LIN52: variants seen among roughly 807,000 people sequenced by gnomAD.
LIN52 encodes the protein protein lin-52 homolog.
Under a neutral mutation model 18.5 loss-of-function variants are expected in LIN52, and 4 were observed. The observed-to-expected ratio is 0.22, with a 90% CI of 0.11 to 0.49. The LOEUF is 0.49. Ranked by LOEUF, LIN52 falls within the 20% of genes least tolerant of loss-of-function variation. The pLI is 0.97. For missense variants in LIN52, 102 were observed against 139.5 expected (o/e 0.73, Z 1.35); for synonymous variants, 34 against 45.5 (o/e 0.75, Z 1.02).
chr14:74,130,277 G>GTTTTTTTTTTTTTTTTTTTTTTTTT (rs371965343), intron 5 of LIN52, among the ~76,000 whole-genome samples: 1 of 46,426 alleles, frequency 2.2e-5, no homozygotes, highest in Non-Finnish European at 3.5e-5. Flanking sequence ...GGCATTTTTT[G>GTTTTTTTTTTTTTTTTTTTTTTTTT]GTTTTTTTTT....
intron 5 of LIN52, among the ~76,000 whole-genome samples, chr14:74,166,137 C>A (rs1009201592): frequency 3.3e-5 from 5 of 151,990 alleles, no homozygotes; most frequent in African/African-American, 9.7e-5. Context: ...GTGATCTGCC[C>A]ACCTCAGCCT....
chr14:74,186,086 C>T (rs1194502029), intron 5 of LIN52, among the ~76,000 whole-genome samples: 13 of 152,064 alleles, frequency 8.5e-5, no homozygotes, highest in Admixed American at 1.3e-4. Context: ...ATCAGGAGTT[C>T]GAGACCATCC....
intron 5 of LIN52, among the ~76,000 whole-genome samples, chr14:74,196,526 G>T (rs968270398): frequency 6.6e-6 from 1 of 152,102 alleles, no homozygotes. Flanking sequence ...CATGTTGCAG[G>T]ATCATTAGTT....
At chr14:74,088,012 A>G (rs1294496539) in intron 1 of LIN52, among the ~76,000 whole-genome samples, 1 of 152,108 alleles carries the variant, frequency 6.6e-6, no homozygotes, top group Non-Finnish European at 1.5e-5. Context: ...TCAAAGGCTC[A>G]AGCGATTCTC....
chr14:74,110,414 C>T (rs1229367789), intron 5 of LIN52, among the ~76,000 whole-genome samples: 3 of 152,164 alleles, frequency 2.0e-5, no homozygotes, highest in Admixed American at 6.5e-5. Context: ...TGTGGTGGCT[C>T]ACGCTTGTAA....
intron 5 of LIN52, among the ~76,000 whole-genome samples, chr14:74,121,887 T>TAA (rs1169695431): frequency 1.3e-5 from 2 of 152,024 alleles, no homozygotes; most frequent in Admixed American, 1.3e-4. Context: ...CACGCGTGGC[T>TAA]AATTTTTGGA....
chr14:74,195,004 A>G (rs569368224), intron 5 of LIN52, among the ~76,000 whole-genome samples: 6 of 152,262 alleles, frequency 3.9e-5, no homozygotes, highest in African/African-American at 1.4e-4. Flanking sequence ...GAATTAGCCA[A>G]GTGTGGTGGT....
chr14:74,188,574 A>C (rs2061350177), intron 5 of LIN52, among the ~76,000 whole-genome samples: 1 of 150,248 alleles, frequency 6.7e-6, no homozygotes. Flanking sequence ...CCCCACACTC[A>C]TTTTGTATAA....
At chr14:74,091,132 C>G in intron 1 of LIN52, 100 bp from the exon 2 acceptor site, 1 of 752,382 alleles carries the variant, frequency 1.3e-6, no homozygotes. Flanking sequence ...TATCTCTAGA[C>G]TTCCAGGTGA....
rs117825070 is a variant in LIN52 at position 74,137,871 on chromosome 14, A to T, written c.283+36633A>T. Among the ~76,000 whole-genome samples, 193 of 152,106 alleles carry T rather than the reference A, an allele frequency of 1.3e-3. 1 individual carries two copies. The East Asian group carries it at 0.033, about 26-fold the overall frequency. On this transcript the variant is annotated intron_variant, in intron 5 of 5. Transcript: ENST00000555028. ...ACATATATTTACTCAAATGACTATC[A>T]TTTTCTTCTAGAATATTGAGTTTTG...
intron 5 of LIN52, among the ~76,000 whole-genome samples, chr14:74,164,512 C>T (rs140906390): frequency 1.3e-5 from 2 of 150,822 alleles, no homozygotes; most frequent in African/African-American, 4.9e-5. Flanking sequence ...TCTCGAACTC[C>T]TGACTTCAAG....
At chr14:74,181,495 A>C (rs1198675038) in intron 5 of LIN52, among the ~76,000 whole-genome samples, 1 of 151,722 alleles carries the variant, frequency 6.6e-6, no homozygotes, top group African/African-American at 2.4e-5. Context: ...AATTAACCAG[A>C]TTTTCCCCCG....
intron 5 of LIN52, among the ~76,000 whole-genome samples, chr14:74,102,481 CT>C (rs2060864997): frequency 6.6e-6 from 1 of 152,196 alleles, no homozygotes; most frequent in African/African-American, 2.4e-5. Context: ...TCTCTATATA[CT>C]GGTAATTTAT....
chr14:74,194,296 A>G (rs899495673), intron 5 of LIN52, among the ~76,000 whole-genome samples: 5 of 152,214 alleles, frequency 3.3e-5, no homozygotes, highest in African/African-American at 1.2e-4. Flanking sequence ...CAGAGAAGGC[A>G]GTTTGGGGAT....
intron 5 of LIN52, among the ~76,000 whole-genome samples, chr14:74,179,979 A>G (rs2061311219): frequency 6.6e-6 from 1 of 152,212 alleles, no homozygotes; most frequent in African/African-American, 2.4e-5. Flanking sequence ...TTTCTGATTC[A>G]GTAGATTTGG....
intron 1 of LIN52, among the ~76,000 whole-genome samples, chr14:74,088,381 A>G (rs1404686010): frequency 6.6e-6 from 1 of 152,010 alleles, no homozygotes; most frequent in African/African-American, 2.4e-5. Flanking sequence ...GTGAGCCACC[A>G]TGCCCCCACC....
At chr14:74,101,293 T>A (rs1007883215) in intron 5 of LIN52, 55 bp downstream of exon 5, 11 of 1,270,688 alleles carry the variant, frequency 8.7e-6, no homozygotes, top group Non-Finnish European at 1.2e-5. Context: ...AGCTGTGTAT[T>A]CCACCCTGAG....
chr14:74,194,700 T>G (rs555269175), intron 5 of LIN52, among the ~76,000 whole-genome samples: 1 of 152,324 alleles, frequency 6.6e-6, no homozygotes, highest in Admixed American at 6.5e-5. Context: ...CTGTAAATCA[T>G]GACTTGACAT....
intron 5 of LIN52, among the ~76,000 whole-genome samples, chr14:74,158,061 T>C (rs1244566087): frequency 6.6e-6 from 1 of 151,996 alleles, no homozygotes; most frequent in East Asian, 1.9e-4. Context: ...AGGAAACCTT[T>C]CTTGTTAAGA....
Sources: allele counts gnomAD v4.1 joint callset (sites outside exome capture counted in the v4.1 genomes callset), GRCh38; gene constraint gnomAD v4.1.1; transcripts MANE v1.5; gene names NCBI Gene and HGNC (gene_info 2026-07-23, HGNC 2026-07-21).